The following CEP57L1 variants were observed in gnomAD, a reference collection of about 807,000 sequenced individuals.
CEP57L1 encodes the protein centrosomal protein CEP57L1.
CEP57L1 carries 37 observed loss-of-function variants against 61.0 expected under a neutral mutation model. The observed-to-expected ratio is 0.61, with a 90% CI of 0.47 to 0.80. The LOEUF (loss-of-function observed/expected upper bound fraction) is 0.80, where lower values mean the gene tolerates loss of function less well. Ranked by LOEUF, CEP57L1 falls within the 30% of genes least tolerant of loss-of-function variation. CEP57L1 has a pLI of 0.00. For missense variants in CEP57L1, 422 were observed against 524.7 expected, an observed-to-expected ratio of 0.80 and a Z score of 1.91; for synonymous variants, 137 against 162.3, an observed-to-expected ratio of 0.84 and a Z score of 1.19.
At chr6:109,119,121 G>C (rs1285716039) in intron 1 of CEP57L1, among the ~76,000 whole-genome samples, 1 of 152,148 alleles carries the variant, frequency 6.6e-6, no homozygotes, top group Non-Finnish European at 1.5e-5. Flanking sequence ...AGGAACATTA[G>C]AAACGTGTTC....
intron 1 of CEP57L1, among the ~76,000 whole-genome samples, chr6:109,143,465 T>C (rs1315839507): frequency 6.6e-6 from 1 of 152,176 alleles, no homozygotes; most frequent in Non-Finnish European, 1.5e-5. Flanking sequence ...CTGAGCTCTG[T>C]GTCACAACAT....
Position 109,098,369 on chromosome 6 carries a change from A to G in CEP57L1, c.-4+2794A>G, listed in dbSNP as rs186645844. Among the ~76,000 whole-genome samples the G allele has an allele frequency of 3.9e-5, 6 of 152,220 alleles. No homozygotes were observed. The East Asian group carries it at 1.2e-3, about 29-fold the overall frequency. On this transcript the variant is annotated intron_variant, in intron 1 of 10. Coordinates refer to ENST00000517392, the MANE Select transcript of CEP57L1 (RefSeq NM_001271852.3). The stretch of plus-strand genomic sequence containing the variant: ...ACCATGTTGGTCAGGCTGGTCTTGA[A>G]TTCCTAACCTCAAGTGATCCACCCA...
In CEP57L1 at chr6:109,167,053, G is replaced by A. The variant is rs1350927965; in HGVS notation, c.*4083G>A. 6.6e-6 allele frequency among the ~76,000 whole-genome samples: 1 copy of A among 151,860 alleles called. No individual in the cohort carries two copies. The highest frequency in any genetic ancestry group is 1.5e-5 in the Non-Finnish European group (1 of 68,044). On this transcript the variant is annotated 3_prime_UTR_variant, in exon 11 of 11. Coordinates refer to ENST00000517392, the MANE Select transcript of CEP57L1 (RefSeq NM_001271852.3). ...TGCCATTGCACCTTTTAATTAAAGT[G>A]AGATGAGGATAAATAAAAATAATAT...
At chr6:109,102,246 G>A (rs1311030916) in intron 1 of CEP57L1, among the ~76,000 whole-genome samples, 2 of 152,070 alleles carry the variant, frequency 1.3e-5, no homozygotes, top group African/African-American at 2.4e-5. Flanking sequence ...CACCCAGGTT[G>A]GAGTGCAGTG....
rs1057301953 is a variant in CEP57L1, at chr6:109,169,333, A to T, written c.*6363A>T. ...GGTTGTCATTTTTAATGTAGCCCTAAATGTTTTTTAGGGAAGAAAAAGTTG... is the reference window on the plus strand; with the variant it reads ...GGTTGTCATTTTTAATGTAGCCCTATATGTTTTTTAGGGAAGAAAAAGTTG... On this transcript the variant is annotated 3_prime_UTR_variant, in exon 11 of 11. Transcript: ENST00000517392. Among the ~76,000 whole-genome samples, 2 of 152,122 alleles carry T rather than the reference A, an allele frequency of 1.3e-5. No homozygotes were observed. The highest frequency in any genetic ancestry group is 2.9e-5 in the Non-Finnish European group (2 of 68,010).
intron 4 of CEP57L1, among the ~76,000 whole-genome samples, 164 bp from the exon 5 acceptor site, chr6:109,153,669 T>C (rs1772904254): frequency 6.6e-6 from 1 of 152,228 alleles, no homozygotes; most frequent in Non-Finnish European, 1.5e-5. Context: ...TATTTGATTT[T>C]CTTGTTTTTT....
At chr6:109,156,855 G>A (rs768906930) in intron 7 of CEP57L1, 1 of 151,864 alleles carries the variant, frequency 6.6e-6, no homozygotes, top group Admixed American at 6.6e-5. Flanking sequence ...CTACAATAAC[G>A]AACAATATTT....
intron 1 of CEP57L1, among the ~76,000 whole-genome samples, chr6:109,121,396 G>C (rs1460833016): frequency 1.3e-5 from 2 of 152,138 alleles, no homozygotes; most frequent in Admixed American, 1.3e-4. Context: ...ATTAAGAAAA[G>C]ACTGCTTTTC....
chr6:109,153,364 C>T (rs945035321), intron 4 of CEP57L1, among the ~76,000 whole-genome samples: 6 of 150,942 alleles, frequency 4.0e-5, no homozygotes, highest in Admixed American at 2.7e-4. Flanking sequence ...ATCTCAGCCT[C>T]CCAAGCAGCT....
At chr6:109,123,454 T>G (rs1031096464) in intron 1 of CEP57L1, among the ~76,000 whole-genome samples, 4 of 152,180 alleles carry the variant, frequency 2.6e-5, no homozygotes, top group Non-Finnish European at 5.9e-5. Flanking sequence ...TACCTCATAG[T>G]GTTGCCTTCA....
chr6:109,143,538 A>T (rs1771645349), intron 1 of CEP57L1, among the ~76,000 whole-genome samples: 1 of 152,060 alleles, frequency 6.6e-6, no homozygotes, highest in African/African-American at 2.4e-5. Flanking sequence ...TTATCCTATC[A>T]GTGGATTATT....
chr6:109,152,755 G>C (rs1415512248), intron 4 of CEP57L1, among the ~76,000 whole-genome samples: 1 of 151,866 alleles, frequency 6.6e-6, no homozygotes, highest in East Asian at 1.9e-4. Flanking sequence ...GAGAGGGTAA[G>C]TTAATGAGTA....
rs143598632 is a variant in CEP57L1, at chr6:109,112,694, G to A, written c.-4+17119G>A. On this transcript the variant is annotated intron_variant, in intron 1 of 10. Transcript: ENST00000517392. ...CACATTCCTTTAAATATGTCACAGAGATTCTGGTACGTTGTGTCTTTGTTC... is the reference window on the plus strand; with the variant it reads ...CACATTCCTTTAAATATGTCACAGAAATTCTGGTACGTTGTGTCTTTGTTC... Among the ~76,000 whole-genome samples the A allele has an allele frequency of 2.6e-4, 39 of 152,272 alleles. No homozygotes were observed. In the South Asian group the frequency reaches 5.4e-3, roughly 21 times the overall value.
chr6:109,108,214 A>G (rs926908807), intron 1 of CEP57L1, among the ~76,000 whole-genome samples: 10 of 151,570 alleles, frequency 6.6e-5, no homozygotes, highest in African/African-American at 2.4e-4. Flanking sequence ...TATAAGGACT[A>G]CAATATTTAA....
chr6:109,116,636 A>G (rs968359492), intron 1 of CEP57L1, among the ~76,000 whole-genome samples: 2 of 152,204 alleles, frequency 1.3e-5, no homozygotes, highest in African/African-American at 2.4e-5. Context: ...TCTAAAGTAT[A>G]GTATTATTGA....
At chr6:109,109,808 C>T (rs528510933) in intron 1 of CEP57L1, among the ~76,000 whole-genome samples, 3 of 152,052 alleles carry the variant, frequency 2.0e-5, no homozygotes, top group Non-Finnish European at 2.9e-5. Context: ...TCTGTTCTTG[C>T]GTTAGTTTGC....
intron 1 of CEP57L1, among the ~76,000 whole-genome samples, chr6:109,119,152 A>G (rs1211305258): frequency 6.6e-6 from 1 of 152,180 alleles, no homozygotes. Flanking sequence ...GGCAGGAGAA[A>G]AGAACTAGAT....
intron 1 of CEP57L1, among the ~76,000 whole-genome samples, chr6:109,118,730 A>T (rs1282785808): frequency 1.3e-5 from 2 of 152,194 alleles, no homozygotes; most frequent in Admixed American, 6.5e-5. Context: ...AGACACTACA[A>T]TCAGTAGCTA....
intron 4 of CEP57L1, among the ~76,000 whole-genome samples, chr6:109,152,286 T>G (rs189747755): frequency 4.6e-5 from 7 of 152,318 alleles, no homozygotes; most frequent in African/African-American, 1.7e-4. Context: ...GTTCAAGCAA[T>G]TCTCCTGCCT....
Sources: gnomAD v4.1 joint callset for allele counts (sites outside exome capture counted in the v4.1 genomes callset) on GRCh38, gnomAD v4.1.1 for gene constraint, MANE v1.5 for transcripts, NCBI Gene and HGNC (gene_info 2026-07-23, HGNC 2026-07-21) for gene names.